The following PSAT1 variants were observed in gnomAD, a reference collection of about 807,000 sequenced individuals.
The protein encoded by PSAT1 is phosphoserine aminotransferase.
PSAT1 carries 41 observed loss-of-function variants against 40.3 expected under a neutral mutation model. The ratio of observed to expected loss-of-function variants is 1.02; its 90% CI spans 0.79 to 1.32. The LOEUF is 1.32. PSAT1 is among the 40% of genes most tolerant of loss of function. PSAT1 has a pLI of 0.00. For synonymous variants in PSAT1, 147 were observed against 170.5 expected, an observed-to-expected ratio of 0.86 and a Z score of 1.07; for missense variants, 406 against 455.8, an observed-to-expected ratio of 0.89 and a Z score of 0.99.
chr9:78,305,872 C>T (rs1170868320), intron 4 of PSAT1, among the ~76,000 whole-genome samples: 1 of 152,132 alleles, frequency 6.6e-6, no homozygotes, highest in Non-Finnish European at 1.5e-5. Flanking sequence ...TCTCCCATGC[C>T]TTTTGAAAAA....
rs944513 is a variant in PSAT1, at chr9:78,306,530, G to T, written c.570+44G>T. 0.78 allele frequency: 1,253,170 copies of T among 1,611,276 alleles called. 488,331 individuals carry two copies. The highest frequency in any genetic ancestry group is 0.84 in the Admixed American group (50,671 of 60,012). On this transcript the variant is annotated intron_variant, in intron 5 of 8. Transcript: ENST00000376588. ...GGTGAGGGGAACCCACTGACTCGGT[G>T]TCTGCAGGGACATTTTAATATATAC...
chr9:78,326,637 T>TA (rs1828501007), intron 7 of PSAT1, among the ~76,000 whole-genome samples: 1 of 152,168 alleles, frequency 6.6e-6, no homozygotes, highest in African/African-American at 2.4e-5. Flanking sequence ...GTTGCAGACA[T>TA]AGTTTTAAAT....
At chr9:78,300,529 A>T in intron 1 of PSAT1, 73 bp from the exon 2 acceptor site, 1 of 1,531,568 alleles carries the variant, frequency 6.5e-7, no homozygotes, top group Non-Finnish European at 8.8e-7. Context: ...TCCCCTCGTC[A>T]GGTTTGTATG....
chr9:78,311,618 G>A (rs533663273), intron 6 of PSAT1, among the ~76,000 whole-genome samples: 24 of 152,176 alleles, frequency 1.6e-4, no homozygotes, highest in African/African-American at 4.6e-4. Context: ...TGGATCACAA[G>A]GTCAGGAAAT....
chr9:78,307,095 G>A (rs1355201904), intron 5 of PSAT1, among the ~76,000 whole-genome samples: 2 of 152,136 alleles, frequency 1.3e-5, no homozygotes, highest in Non-Finnish European at 2.9e-5. Flanking sequence ...CTGGTCAGTG[G>A]CATTGAGAGC....
At chr9:78,310,734 A>T (rs1929399) in intron 6 of PSAT1, among the ~76,000 whole-genome samples, 1 of 151,426 alleles carries the variant, frequency 6.6e-6, no homozygotes, top group African/African-American at 2.4e-5. Flanking sequence ...CAGCCTCCCG[A>T]GTAGCTGGGA....
At chr9:78,298,246 GCGGCTGCCGC>G in intron 1 of PSAT1, 2 of 985,070 alleles carry the variant, frequency 2.0e-6, no homozygotes, top group South Asian at 9.4e-5. Flanking sequence ...CCATTGTCAG[GCGGCTGCCGC>G]CGCCGTTAGA....
intron 7 of PSAT1, among the ~76,000 whole-genome samples, chr9:78,322,326 A>C (rs1828439929): frequency 6.6e-6 from 1 of 152,096 alleles, no homozygotes; most frequent in Admixed American, 6.6e-5. Flanking sequence ...TACACATGTG[A>C]ATGCATTTTG....
chr9:78,308,551 C>T lies in PSAT1; in HGVS notation c.708C>T (p.Asn236=), dbSNP rs1199266802. 2 of 1,613,974 alleles carry T rather than the reference C, an allele frequency of 1.2e-6. No individual in the cohort carries two copies. The highest frequency in any genetic ancestry group is 2.7e-5 in the African/African-American group (2 of 74,902). The change falls in exon 6 of 9, where the codon AAC becomes AAT. Residue 236 remains asparagine (N), a synonymous_variant. Transcript: ENST00000376588. ...TGGAATACAAGGTGCAGGCTGGAAA[C>T]AGCTCCTTGTACAACACGCCTCCAT... The part of the protein sequence containing the change: ...SVLEYKVQAG[N]SSLYNTPPCF...
intron 3 of PSAT1, among the ~76,000 whole-genome samples, chr9:78,303,077 A>G (rs1828131812): frequency 6.6e-6 from 1 of 152,216 alleles, no homozygotes; most frequent in African/African-American, 2.4e-5. Context: ...AAAACACTGT[A>G]GCTCACAACT....
In PSAT1 at chr9:78,329,217, G is replaced by T. The variant is rs1339518091; in HGVS notation, c.*131G>T. On this transcript the variant is annotated 3_prime_UTR_variant, in exon 9 of 9. Transcript: ENST00000376588. Reference sequence around the variant, plus strand: ...TGTTTATTGCAGATTCTTCTTTTTTGAAAGAACAACAGCAAAACATCCACA... The same window carrying T: ...TGTTTATTGCAGATTCTTCTTTTTTTAAAGAACAACAGCAAAACATCCACA... 1.4e-6 allele frequency: 1 copy of T among 722,366 alleles called. No individual in the cohort carries two copies. The highest frequency in any genetic ancestry group is 2.4e-6 in the Non-Finnish European group (1 of 410,062). 44.7% of individuals were successfully genotyped at this position (722,366 alleles called of 1,614,324 possible).
Position 78,304,724 on chromosome 9 carries a change from C to A in PSAT1, c.192-11C>A. 6.2e-7 allele frequency: 1 copy of A among 1,608,020 alleles called. No individual in the cohort carries two copies. Among genetic ancestry groups the A allele is most frequent in the African/African-American group, 1.3e-5 (1 of 74,898 alleles). ...GTTTATGTATTGACTGTTACCTATG[C>A]TTCTGCCCAGAGCTGTTCCAGACAA... On this transcript the variant is annotated splice_polypyrimidine_tract_variant and intron_variant, in intron 3 of 8. Coordinates refer to ENST00000376588, the MANE Select transcript of PSAT1 (RefSeq NM_058179.4).
At chr9:78,328,575 A>T (rs1448235038) in intron 8 of PSAT1, among the ~76,000 whole-genome samples, 1 of 152,154 alleles carries the variant, frequency 6.6e-6, no homozygotes, top group Non-Finnish European at 1.5e-5. Context: ...TCTATGAAAA[A>T]TAAATGTCCT....
intron 6 of PSAT1, among the ~76,000 whole-genome samples, chr9:78,309,092 A>C (rs10867178): frequency 0.31 from 46,628 of 152,056 alleles, 7,462 homozygotes; most frequent in East Asian, 0.45. Flanking sequence ...CCTCTGCACC[A>C]TCTCTTTACC....
chr9:78,300,775 G>A (rs1828096591), intron 2 of PSAT1, 113 bp downstream of exon 2: 1 of 1,423,358 alleles, frequency 7.0e-7, no homozygotes, highest in Non-Finnish European at 9.1e-7. Flanking sequence ...GAGTACAGTG[G>A]CGTGATCATA....
rs894057257 is a variant in PSAT1 at position 78,304,900 on chromosome 9, G to A, written c.357G>A (p.Gly119=). Residue 119 remains glycine (G), a synonymous_variant, in exon 4 of 9, where the codon GGG becomes GGA. Transcript: ENST00000376588. ...AKAAEEAKKF[G]TINIVHPKLG... is the part of the protein sequence containing the mutation. ...CCGCAGAAGAAGCCAAGAAGTTTGG[G>A]ACTATAAATATCGTTCACCCTAAAC... 6.2e-7 allele frequency: 1 copy of A among 1,613,356 alleles called. No homozygotes were observed. The highest frequency in any genetic ancestry group is 1.7e-5 in the Admixed American group (1 of 60,018).
rs188464172 is a variant in PSAT1, at chr9:78,316,308, C to G, written c.741-1368C>G. ...AGCTGCGGGAAGGGCCCAGGTGCAG[C>G]TGGACTTCCTGGAACCAGGGACACA... On this transcript the variant is annotated intron_variant, in intron 6 of 8. Transcript: ENST00000376588. Among the ~76,000 whole-genome samples the G allele has an allele frequency of 5.9e-5, 9 of 152,292 alleles. No homozygotes were observed. The East Asian group carries it at 1.4e-3, about 23-fold the overall frequency.
At chr9:78,308,357 TAC>T in intron 5 of PSAT1, 55 bp from the exon 6 acceptor site, 1 of 1,575,714 alleles carries the variant, frequency 6.3e-7, no homozygotes, top group Non-Finnish European at 8.7e-7. Context: ...GAAGTTTGCA[TAC>T]ATGTATGAAA....
chr9:78,303,858 G>A (rs1828142368), intron 3 of PSAT1, among the ~76,000 whole-genome samples: 1 of 152,164 alleles, frequency 6.6e-6, no homozygotes, highest in South Asian at 2.1e-4. Context: ...CCCAGGCTCT[G>A]ACCTTACTCA....
Sources: allele counts gnomAD v4.1 joint callset (sites outside exome capture counted in the v4.1 genomes callset), GRCh38; gene constraint gnomAD v4.1.1; transcripts MANE v1.5; gene names NCBI Gene and HGNC (gene_info 2026-07-23, HGNC 2026-07-21).